ZSWIM3: variants seen among roughly 807,000 people sequenced by gnomAD.
ZSWIM3 encodes zinc finger SWIM-type containing 3.
ZSWIM3 carries 27 observed loss-of-function variants against 47.5 expected under a neutral mutation model. The ratio of observed to expected loss-of-function variants is 0.57; its 90% CI spans 0.42 to 0.78. The LOEUF is 0.78. ZSWIM3 is among the 30% of genes least tolerant of loss of function. ZSWIM3 has a pLI of 0.00. For synonymous variants in ZSWIM3, 333 were observed against 333.9 expected (o/e 1.00, Z 0.03); for missense variants, 689 against 861.3 (o/e 0.80, Z 2.50).
Position 45,878,457 on chromosome 20 carries a change from C to G in ZSWIM3, c.1899C>G (p.Thr633=), listed in dbSNP as rs774404420. The G allele has an allele frequency of 1.2e-6, 2 of 1,614,176 alleles. No individual in the cohort carries two copies. The highest frequency in any genetic ancestry group is 1.7e-6 in the Non-Finnish European group (2 of 1,180,026). ...SRELANLLMQ[T]EGPELEERYS... ...AGTTAGCAAACCTGCTCATGCAGAC[C>G]GAGGGGCCAGAGCTGGAGGAACGCT... The change falls in exon 2 of 2, where the codon ACC becomes ACG. Residue 633 remains threonine, a synonymous_variant. Coordinates refer to ENST00000255152, the MANE Select transcript of ZSWIM3 (RefSeq NM_080752.4).
intron 1 of ZSWIM3, among the ~76,000 whole-genome samples, chr20:45,871,480 A>G (rs889819616): frequency 5.3e-5 from 8 of 152,198 alleles, no homozygotes; most frequent in African/African-American, 1.7e-4. Context: ...GATCACTGGG[A>G]TAGAATTTTC....
In ZSWIM3 at chr20:45,877,514, A is replaced by G. The variant is rs189610190; in HGVS notation, c.956A>G (p.His319Arg). 9 of 1,614,154 alleles carry G rather than the reference A, an allele frequency of 5.6e-6. 1 individual carries two copies. In the Admixed American group the frequency reaches 1.0e-4, roughly 18 times the overall value. ...ACCCGACTCTTGGAGAAGAAGTTGC[A>G]TCGTAGTTCAGCAAATCCATCCTTT... ...HTTRLLEKKLHRSSANPSFKR... is the reference protein window; with the variant it reads ...HTTRLLEKKLRRSSANPSFKR... Residue 319 changes from histidine (H) to arginine (R), a missense_variant, in exon 2 of 2, where the codon CAT becomes CGT. Coordinates refer to ENST00000255152, the MANE Select transcript of ZSWIM3 (RefSeq NM_080752.4).
chr20:45,865,936 T>TGAGCC (rs1464793636), intron 1 of ZSWIM3, among the ~76,000 whole-genome samples: 1 of 141,114 alleles, frequency 7.1e-6, no homozygotes, highest in African/African-American at 2.7e-5. Context: ...GAGGTTGCAG[T>TGAGCC]GAGCCGAGAT....
chr20:45,865,992 CAAAA>C (rs377544841), intron 1 of ZSWIM3, among the ~76,000 whole-genome samples: 2 of 98,820 alleles, frequency 2.0e-5, no homozygotes, highest in African/African-American at 4.5e-5. Flanking sequence ...GACTCTGTCT[CAAAA>C]AAAAAAAAAA....
intron 1 of ZSWIM3, among the ~76,000 whole-genome samples, chr20:45,860,186 G>C (rs941518011): frequency 6.6e-6 from 1 of 152,166 alleles, no homozygotes; most frequent in Non-Finnish European, 1.5e-5. Flanking sequence ...CAAGATGTCT[G>C]CAGGGCTGTA....
intron 1 of ZSWIM3, among the ~76,000 whole-genome samples, chr20:45,867,002 A>ATTTTT (rs35863246): frequency 7.3e-6 from 1 of 137,478 alleles, no homozygotes; most frequent in Admixed American, 7.8e-5. Flanking sequence ...CAAGTTAGAA[A>ATTTTT]TTTTTTTTTT....
intron 1 of ZSWIM3, among the ~76,000 whole-genome samples, chr20:45,871,873 A>AAG (rs979607297): frequency 6.6e-6 from 1 of 151,582 alleles, no homozygotes; most frequent in African/African-American, 2.4e-5. Context: ...AGAAAAAAAA[A>AAG]AAAAGAAAAA....
intron 1 of ZSWIM3, among the ~76,000 whole-genome samples, chr20:45,859,045 T>G (rs1985630834): frequency 6.6e-6 from 1 of 151,956 alleles, no homozygotes. Flanking sequence ...AGATGCCATC[T>G]AATCAGCTCC....
Position 45,878,878 on chromosome 20 carries a change from A to T in ZSWIM3, c.*229A>T. ...CCTTGGGAGCCTCAGTTGTTGTTCA[A>T]GGCCAAAGTTATCTCCGTGCTGCAA... On this transcript the variant is annotated 3_prime_UTR_variant, in exon 2 of 2. Coordinates refer to ENST00000255152, the MANE Select transcript of ZSWIM3 (RefSeq NM_080752.4). 1 of 535,366 alleles carries T rather than the reference A, an allele frequency of 1.9e-6. No homozygotes were observed. Among genetic ancestry groups the T allele is most frequent in the Non-Finnish European group, 3.2e-6 (1 of 311,856 alleles). 33.2% of individuals were successfully genotyped at this position (535,366 alleles called of 1,614,324 possible).
chr20:45,876,768 G>A lies in ZSWIM3; in HGVS notation c.210G>A (p.Thr70=), dbSNP rs376147958. 1.5e-4 allele frequency: 243 copies of A among 1,614,106 alleles called. 4 individuals carry two copies. In the South Asian group the frequency reaches 2.2e-3, roughly 15 times the overall value. The change falls in exon 2 of 2, where the codon ACG becomes ACA. Residue 70 remains threonine, a synonymous_variant. Coordinates refer to ENST00000255152, the MANE Select transcript of ZSWIM3 (RefSeq NM_080752.4). ...CIRTQSNRKR[T]READMCPAYL... ...GGACCCAATCAAACAGGAAGAGAAC[G>A]CGGGAGGCAGACATGTGCCCAGCGT...
chr20:45,874,420 G>T (rs1986044675), intron 1 of ZSWIM3, among the ~76,000 whole-genome samples: 1 of 152,200 alleles, frequency 6.6e-6, no homozygotes, highest in Non-Finnish European at 1.5e-5. Context: ...GCTGAGGCAG[G>T]AGAATCGCTT....
At chr20:45,867,156 G>A (rs533274997) in intron 1 of ZSWIM3, among the ~76,000 whole-genome samples, 58 of 152,012 alleles carry the variant, frequency 3.8e-4, no homozygotes, top group Middle Eastern at 6.8e-3. Flanking sequence ...ACAGGTGCCC[G>A]TCACCACGCC....
At position 45,878,401 on chromosome 20, in the gene ZSWIM3, C is replaced by T. The variant is rs780067523; in HGVS notation, c.1843C>T (p.Arg615Trp). 1.7e-5 allele frequency: 28 copies of T among 1,614,074 alleles called. No homozygotes were observed. Among genetic ancestry groups the T allele is most frequent in the East Asian group, 2.2e-5 (1 of 44,902 alleles). Residue 615 changes from arginine to tryptophan, a missense_variant, in exon 2 of 2, where the codon CGG (arginine) becomes TGG (tryptophan). Physicochemically the swap from Arg to Trp is moderately radical, Grantham distance 101. Coordinates refer to ENST00000255152, the MANE Select transcript of ZSWIM3 (RefSeq NM_080752.4). ...CACAGGCCAGCCTGAGAAGCAAGGA[C>T]GGAACGACATGATTCAGGACCTAAG... is the stretch of plus-strand genomic sequence containing the variant. ...PNTGQPEKQG[R>W]NDMIQDLSRE...
chr20:45,870,049 A>G (rs1330552644), intron 1 of ZSWIM3, among the ~76,000 whole-genome samples: 1 of 148,968 alleles, frequency 6.7e-6, no homozygotes, highest in African/African-American at 2.5e-5. Context: ...GTCTCAAGAA[A>G]AAAAAAAAAA....
At chr20:45,864,614 A>G (rs946404695) in intron 1 of ZSWIM3, among the ~76,000 whole-genome samples, 2 of 152,160 alleles carry the variant, frequency 1.3e-5, no homozygotes, top group African/African-American at 4.8e-5. Flanking sequence ...TATAATCCCA[A>G]CACTTTGGGA....
Position 45,878,268 on chromosome 20 carries a change from C to A in ZSWIM3, c.1710C>A (p.Thr570=). 1 of 1,614,212 alleles carries A rather than the reference C, an allele frequency of 6.2e-7. No homozygotes were observed. Among genetic ancestry groups the A allele is most frequent in the Non-Finnish European group, 8.5e-7 (1 of 1,180,036 alleles). ...PCRHILALLH[T]SQQPVGEAMV... ...GACACATTTTGGCTCTGCTGCACAC[C>A]AGCCAGCAGCCGGTTGGTGAAGCCA... Residue 570 remains threonine (T), a synonymous_variant, in exon 2 of 2, where the codon ACC becomes ACA. Coordinates refer to ENST00000255152, the MANE Select transcript of ZSWIM3 (RefSeq NM_080752.4).
At position 45,866,003 on chromosome 20, in the gene ZSWIM3, A is replaced by AG. The variant is rs1347264229; in HGVS notation, c.155+8023_155+8024insG. Among the ~76,000 whole-genome samples, 3 of 151,142 alleles carry AG rather than the reference A, an allele frequency of 2.0e-5. No individual in the cohort carries two copies. The East Asian group carries it at 5.8e-4, about 29-fold the overall frequency. On this transcript the variant is annotated intron_variant, in intron 1 of 1. Transcript: ENST00000255152. ...GTGAGACTCTGTCTCAAAAAAAAAAAAAAAAGAAAAAGAAAAAAAAAATTC... is the reference window on the plus strand; with the variant it reads ...GTGAGACTCTGTCTCAAAAAAAAAAAGAAAAAGAAAAAGAAAAAAAAAATTC...
At chr20:45,860,914 A>C (rs1453524019) in intron 1 of ZSWIM3, among the ~76,000 whole-genome samples, 1 of 152,186 alleles carries the variant, frequency 6.6e-6, no homozygotes, top group African/African-American at 2.4e-5. Flanking sequence ...AATAACCTGG[A>C]GGTAAAAATG....
At chr20:45,875,465 C>T (rs111948382) in intron 1 of ZSWIM3, among the ~76,000 whole-genome samples, 1,724 of 137,612 alleles carry the variant, frequency 0.013, 43 homozygotes, top group African/African-American at 0.045. Flanking sequence ...CCCAGCCTTC[C>T]TTCTTTCCTT....
Sources: gnomAD v4.1 joint callset for allele counts (sites outside exome capture counted in the v4.1 genomes callset) on GRCh38, gnomAD v4.1.1 for gene constraint, MANE v1.5 for transcripts, NCBI Gene and HGNC (gene_info 2026-07-23, HGNC 2026-07-21) for gene names.